RAB3GAP1: variants seen among roughly 807,000 people sequenced by gnomAD.
RAB3GAP1 encodes rab3 GTPase-activating protein catalytic subunit.
In RAB3GAP1, 86 loss-of-function variants were observed where a neutral mutation model predicts 130.7. That is an observed-to-expected ratio of 0.66 (90% CI 0.55 to 0.79). The LOEUF (loss-of-function observed/expected upper bound fraction) is 0.79, where lower values mean the gene tolerates loss of function less well. Among genes scored for constraint, RAB3GAP1 ranks in the 30% least tolerant of loss-of-function variants. The pLI, the probability that RAB3GAP1 is intolerant of heterozygous loss-of-function variation, is 0.00. For synonymous variants in RAB3GAP1, 367 were observed against 401.7 expected (o/e 0.91, Z 1.03); for missense variants, 1,029 against 1,169.4 (o/e 0.88, Z 1.75).
intron 3 of RAB3GAP1, among the ~76,000 whole-genome samples, chr2:135,081,372 G>GTGTGTGTGTATATA (rs1251311845): frequency 9.3e-6 from 1 of 106,996 alleles, no homozygotes; most frequent in Admixed American, 1.1e-4. Context: ...ACACACACGT[G>GTGTGTGTGTATATA]TGTGTGTGTA....
In RAB3GAP1 at chr2:135,117,729, T is replaced by G. The variant is rs899313014; in HGVS notation, c.648+2348T>G. On this transcript the variant is annotated intron_variant, in intron 7 of 23. Transcript: ENST00000264158. ...TGCTTCTGCTTCTTCTTCTGCTTCT[T>G]CTTCTTCTGCTTCTTCTTCTGCTTC... Among the ~76,000 whole-genome samples, 419 of 148,212 alleles carry G rather than the reference T, an allele frequency of 2.8e-3. 1 individual carries two copies. Among genetic ancestry groups the G allele is most frequent in the African/African-American group, 9.7e-3 (381 of 39,458 alleles).
intron 6 of RAB3GAP1, 96 bp downstream of exon 6, chr2:135,113,366 A>G: frequency 6.7e-7 from 1 of 1,487,804 alleles, no homozygotes; most frequent in Non-Finnish European, 9.3e-7. Flanking sequence ...TTTAACTGTA[A>G]TTAGGAACTT....
intron 5 of RAB3GAP1, among the ~76,000 whole-genome samples, chr2:135,106,138 T>TG (rs1288950223): frequency 3.4e-5 from 5 of 147,976 alleles, no homozygotes; most frequent in East Asian, 2.0e-4. Context: ...GTCCAGGAGG[T>TG]GGGGGGTGCC....
At chr2:135,152,568 T>A (rs1426923769) in intron 18 of RAB3GAP1, among the ~76,000 whole-genome samples, 1 of 152,176 alleles carries the variant, frequency 6.6e-6, no homozygotes, top group Non-Finnish European at 1.5e-5. Context: ...AGTCACCCAG[T>A]ATCATGAAAT....
intron 17 of RAB3GAP1, among the ~76,000 whole-genome samples, chr2:135,143,620 C>T (rs1166147722): frequency 1.4e-5 from 2 of 144,500 alleles, no homozygotes; most frequent in African/African-American, 2.6e-5. Context: ...TGCAGTGGTG[C>T]GATCTCGGCT....
intron 13 of RAB3GAP1, among the ~76,000 whole-genome samples, chr2:135,131,418 G>T (rs1691537127): frequency 1.3e-5 from 2 of 152,006 alleles, no homozygotes; most frequent in East Asian, 3.9e-4. Context: ...TTTTAGTAGA[G>T]ATAGGGTTTC....
rs112562432 is a variant in RAB3GAP1, at chr2:135,135,303, T to C, written c.1538T>C (p.Leu513Pro). The C allele has an allele frequency of 6.2e-7, 1 of 1,609,100 alleles. No individual in the cohort carries two copies. The highest frequency in any genetic ancestry group is 8.5e-7 in the Non-Finnish European group (1 of 1,175,504). The change falls in exon 16 of 24, where the codon CTG (leucine) becomes CCG (proline). Residue 513 changes from leucine (L) to proline (P), a missense_variant. Transcript: ENST00000264158. ...SGPPDLRCCLLHQKLQMLNCC... is the reference protein window; with the variant it reads ...SGPPDLRCCLPHQKLQMLNCC... ...CCCCCAGATCTGAGGTGTTGTTTAC[T>C]GCATCAGAAACTACAGGTAAAGATT...
chr2:135,088,907 A>G (rs1690062425), intron 3 of RAB3GAP1, among the ~76,000 whole-genome samples: 1 of 152,028 alleles, frequency 6.6e-6, no homozygotes. Context: ...GAAGCTCTTT[A>G]GTTTAATTAG....
intron 3 of RAB3GAP1, among the ~76,000 whole-genome samples, chr2:135,074,485 CTT>C (rs1195168188): frequency 6.6e-6 from 1 of 152,218 alleles, no homozygotes; most frequent in Non-Finnish European, 1.5e-5. Context: ...GGAAAGCAAA[CTT>C]TGAACTCTTA....
chr2:135,053,789 T>A (rs894685424), intron 2 of RAB3GAP1, among the ~76,000 whole-genome samples: 4 of 152,186 alleles, frequency 2.6e-5, no homozygotes, highest in Admixed American at 6.5e-5. Flanking sequence ...ATAGTTAAAA[T>A]GTAAGCCAGT....
intron 6 of RAB3GAP1, among the ~76,000 whole-genome samples, chr2:135,114,532 G>A (rs1485002792): frequency 6.6e-6 from 1 of 152,178 alleles, no homozygotes; most frequent in Non-Finnish European, 1.5e-5. Context: ...CAAACACTGA[G>A]TTATCAATTC....
chr2:135,101,422 T>C (rs1234803621), intron 5 of RAB3GAP1, among the ~76,000 whole-genome samples: 2 of 152,234 alleles, frequency 1.3e-5, no homozygotes, highest in Non-Finnish European at 2.9e-5. Context: ...ATTTATACCA[T>C]AAATATACAA....
At chr2:135,128,203 C>G (rs975224514) in intron 11 of RAB3GAP1, among the ~76,000 whole-genome samples, 2 of 152,166 alleles carry the variant, frequency 1.3e-5, no homozygotes, top group Non-Finnish European at 2.9e-5. Flanking sequence ...TATAAGTCCA[C>G]CATTGGTGAA....
At chr2:135,060,462 G>A (rs541102322) in intron 3 of RAB3GAP1, among the ~76,000 whole-genome samples, 1 of 151,662 alleles carries the variant, frequency 6.6e-6, no homozygotes, top group African/African-American at 2.4e-5. Context: ...GGGTTTCACT[G>A]TGTTAGCCAG....
At chr2:135,062,189 C>T (rs1011429987) in intron 3 of RAB3GAP1, among the ~76,000 whole-genome samples, 128 of 152,264 alleles carry the variant, frequency 8.4e-4, no homozygotes, top group African/African-American at 2.9e-3. Context: ...GCTGGGATTA[C>T]GGGCATGAGG....
intron 17 of RAB3GAP1, among the ~76,000 whole-genome samples, chr2:135,142,331 A>AT (rs1691867068): frequency 6.6e-6 from 1 of 151,906 alleles, no homozygotes; most frequent in South Asian, 2.1e-4. Context: ...TCATTTTCCA[A>AT]TTTTTTTCCC....
At chr2:135,139,852 T>C (rs1224423513) in intron 17 of RAB3GAP1, among the ~76,000 whole-genome samples, 2 of 152,180 alleles carry the variant, frequency 1.3e-5, no homozygotes, top group African/African-American at 4.8e-5. Flanking sequence ...ATGTATTGGA[T>C]AGTGAAGCCC....
At chr2:135,076,064 C>G (rs905993530) in intron 3 of RAB3GAP1, among the ~76,000 whole-genome samples, 1 of 151,994 alleles carries the variant, frequency 6.6e-6, no homozygotes, top group African/African-American at 2.4e-5. Context: ...GCGTGTGCCA[C>G]CACTCCCAGC....
At chr2:135,079,643 A>G (rs1689730663) in intron 3 of RAB3GAP1, among the ~76,000 whole-genome samples, 1 of 152,202 alleles carries the variant, frequency 6.6e-6, no homozygotes, top group Non-Finnish European at 1.5e-5. Flanking sequence ...TACCTTACCT[A>G]AAAGCTAACA....
Sources: gnomAD v4.1 joint callset for allele counts (sites outside exome capture counted in the v4.1 genomes callset) on GRCh38, gnomAD v4.1.1 for gene constraint, MANE v1.5 for transcripts, NCBI Gene and HGNC (gene_info 2026-07-23, HGNC 2026-07-21) for gene names.